Variants in MYO1D observed in about 807,000 individuals in gnomAD.
The protein encoded by MYO1D is unconventional myosin-Id.
MYO1D carries 83 observed loss-of-function variants against 122.0 expected under a neutral mutation model. The observed-to-expected ratio is 0.68, with a 90% CI of 0.57 to 0.82. The LOEUF is 0.82. MYO1D is among the 40% of genes least tolerant of loss of function. The probability of loss-of-function intolerance (pLI) is 0.00; values close to 1 mark genes in which losing one functional copy is unlikely to be tolerated. For synonymous variants in MYO1D, 464 were observed against 446.9 expected, an observed-to-expected ratio of 1.04 and a Z score of -0.48; for missense variants, 1,157 against 1,269.5, an observed-to-expected ratio of 0.91 and a Z score of 1.35.
intron 16 of MYO1D, among the ~76,000 whole-genome samples, chr17:32,663,151 T>C (rs946242885): frequency 4.5e-4 from 69 of 152,116 alleles, no homozygotes; most frequent in African/African-American, 1.6e-3. Context: ...TCTCCTGACC[T>C]TGTGATCCAC....
chr17:32,746,538 T>C (rs2151007619), intron 12 of MYO1D, among the ~76,000 whole-genome samples: 1 of 152,352 alleles, frequency 6.6e-6, no homozygotes, highest in South Asian at 2.1e-4. Flanking sequence ...ACCACTGTTA[T>C]TGTATACATG....
chr17:32,560,538 T>A (rs1194983507), intron 21 of MYO1D, among the ~76,000 whole-genome samples: 2 of 37,382 alleles, frequency 5.4e-5, no homozygotes, highest in South Asian at 9.3e-4. Flanking sequence ...CATATATATA[T>A]ATATATATAT....
intron 21 of MYO1D, chr17:32,602,841 T>C (rs772559060): frequency 6.6e-6 from 1 of 152,216 alleles, no homozygotes; most frequent in African/African-American, 2.4e-5. Flanking sequence ...ACATCATGCT[T>C]ATAAAATACA....
intron 21 of MYO1D, among the ~76,000 whole-genome samples, chr17:32,525,827 G>A (rs1910322110): frequency 6.6e-6 from 1 of 152,144 alleles, no homozygotes. Flanking sequence ...TAGCTAACAT[G>A]GAGGAGAGGC....
intron 20 of MYO1D, among the ~76,000 whole-genome samples, chr17:32,631,081 G>A (rs1160120215): frequency 2.0e-5 from 3 of 152,140 alleles, no homozygotes; most frequent in Non-Finnish European, 4.4e-5. Context: ...ACTTTCTGAG[G>A]TACTGGGGGT....
chr17:32,867,763 CACTCCAGCCTGGGCGACAGAGCAAG>C (rs1186899520), intron 1 of MYO1D, among the ~76,000 whole-genome samples: 5 of 133,310 alleles, frequency 3.8e-5, no homozygotes, highest in African/African-American at 1.4e-4. Context: ...CATGCCACTG[CACTCCAGCCTGGGCGACAGAGCAAG>C]ACTCCGTCTC....
At chr17:32,671,010 G>A (rs2088711043) in intron 16 of MYO1D, among the ~76,000 whole-genome samples, 1 of 152,336 alleles carries the variant, frequency 6.6e-6, no homozygotes, top group South Asian at 2.1e-4. Flanking sequence ...GAGAAGCAGT[G>A]GTGGTCCTGA....
At chr17:32,554,095 C>T (rs1007396145) in intron 21 of MYO1D, among the ~76,000 whole-genome samples, 1 of 152,192 alleles carries the variant, frequency 6.6e-6, no homozygotes, top group Non-Finnish European at 1.5e-5. Flanking sequence ...TGCTCATCAC[C>T]TACAGCCATT....
At chr17:32,788,336 G>C (rs1301520782) in intron 1 of MYO1D, among the ~76,000 whole-genome samples, 1 of 151,960 alleles carries the variant, frequency 6.6e-6, no homozygotes, top group East Asian at 1.9e-4. Context: ...TTTGCTTTTG[G>C]GGTCTTAGTC....
rs141074949 is a variant in MYO1D at position 32,630,606 on chromosome 17, T to A, written c.2709+8116A>T. On this transcript the variant is annotated intron_variant, in intron 20 of 21. Coordinates refer to ENST00000318217, the MANE Select transcript of MYO1D (RefSeq NM_015194.3). ...TTTTTTTTTTGAAATGGAGTCTCGC[T>A]CTGTTGCCCAGGCTGGAGTGCAGTG... Among the ~76,000 whole-genome samples the A allele has an allele frequency of 4.9e-3, 741 of 152,024 alleles. 5 individuals are homozygous for A. The highest frequency in any genetic ancestry group is 0.017 in the African/African-American group (686 of 41,456).
At chr17:32,519,905 A>ATTTTG (rs1483731313) in intron 21 of MYO1D, among the ~76,000 whole-genome samples, 1 of 118,620 alleles carries the variant, frequency 8.4e-6, no homozygotes, top group South Asian at 3.5e-4. Context: ...TTTTTTTAAA[A>ATTTTG]AAAAAAACCA....
rs546971425 is a variant in MYO1D, at chr17:32,579,828, T to C, written c.2864+25259A>G. ...TGTTGTAGTATCAATAGCTCATTCT[T>C]TTTATTACCGAGTAGTAGTTCACTG... On this transcript the variant is annotated intron_variant, in intron 21 of 21. Coordinates refer to ENST00000318217, the MANE Select transcript of MYO1D (RefSeq NM_015194.3). Among the ~76,000 whole-genome samples, 3 of 152,362 alleles carry C rather than the reference T, an allele frequency of 2.0e-5. No individual in the cohort carries two copies. The East Asian group carries it at 5.8e-4, about 29-fold the overall frequency.
At chr17:32,832,309 T>C (rs915134951) in intron 1 of MYO1D, among the ~76,000 whole-genome samples, 10 of 149,122 alleles carry the variant, frequency 6.7e-5, no homozygotes, top group Admixed American at 6.0e-4. Flanking sequence ...TTTTTTTTTG[T>C]ATTTTTTTTG....
At chr17:32,577,420 C>T (rs1045201794) in intron 21 of MYO1D, among the ~76,000 whole-genome samples, 3 of 152,086 alleles carry the variant, frequency 2.0e-5, no homozygotes, top group Non-Finnish European at 4.4e-5. Context: ...GTGTGAGCCA[C>T]CACACCCTGC....
intron 13 of MYO1D, among the ~76,000 whole-genome samples, chr17:32,741,667 A>C (rs1464857757): frequency 6.6e-6 from 1 of 152,196 alleles, no homozygotes; most frequent in Non-Finnish European, 1.5e-5. Flanking sequence ...CACGTTTTCC[A>C]ACAGGGAAAA....
rs2090536617 is a variant in MYO1D, at chr17:32,808,257, C to G, written c.96-27473G>C. Among the ~76,000 whole-genome samples, 4 of 151,832 alleles carry G rather than the reference C, an allele frequency of 2.6e-5. No homozygotes were observed. The South Asian group carries it at 8.4e-4, about 32-fold the overall frequency. On this transcript the variant is annotated intron_variant, in intron 1 of 21. Transcript: ENST00000318217. ...AGGCATGGTGGTGCATGCCTGTGGT[C>G]CTAGTTACTCAGGGGGCTGAGGCAG...
intron 16 of MYO1D, among the ~76,000 whole-genome samples, chr17:32,699,452 A>C (rs1362516634): frequency 1.3e-5 from 2 of 152,194 alleles, no homozygotes; most frequent in Non-Finnish European, 2.9e-5. Context: ...GATAAAGATG[A>C]GTGTGCTCCT....
chr17:32,524,077 T>G (rs952275615), intron 21 of MYO1D, among the ~76,000 whole-genome samples: 2 of 152,260 alleles, frequency 1.3e-5, no homozygotes, highest in African/African-American at 4.8e-5. Context: ...GCCACAGAGC[T>G]GCTACAACCA....
At position 32,830,869 on chromosome 17, in the gene MYO1D, G is replaced by A. The variant is rs139308379; in HGVS notation, c.95+45909C>T. ...AGTCAGGAGATGGAGACCAACCTGT[G>A]TAACGGTGAAACCCGTCTCTACTAA... On this transcript the variant is annotated intron_variant, in intron 1 of 21. Transcript: ENST00000318217. Among the ~76,000 whole-genome samples, 716 of 152,228 alleles carry A rather than the reference G, an allele frequency of 4.7e-3. 7 individuals carry two copies. Among genetic ancestry groups the A allele is most frequent in the African/African-American group, 0.016 (685 of 41,542 alleles).
Sources: gnomAD v4.1 joint callset for allele counts (sites outside exome capture counted in the v4.1 genomes callset) on GRCh38, gnomAD v4.1.1 for gene constraint, MANE v1.5 for transcripts, NCBI Gene and HGNC (gene_info 2026-07-23, HGNC 2026-07-21) for gene names.